The following EPHA5 variants were observed in gnomAD, a reference collection of about 807,000 sequenced individuals.
EPHA5 encodes the protein EPH receptor A5.
Under a neutral mutation model 105.0 loss-of-function variants are expected in EPHA5, and 60 were observed. The ratio of observed to expected loss-of-function variants is 0.57; its 90% CI spans 0.46 to 0.71. The LOEUF is 0.71. Among genes scored for constraint, EPHA5 ranks in the 30% least tolerant of loss-of-function variants. EPHA5 has a pLI of 0.00. For synonymous variants in EPHA5, 513 were observed against 449.1 expected, an observed-to-expected ratio of 1.14 and a Z score of -1.80; for missense variants, 1,218 against 1,274.7, an observed-to-expected ratio of 0.96 and a Z score of 0.68.
At chr4:65,522,332 AT>A in intron 3 of EPHA5, among the ~76,000 whole-genome samples, 1 of 150,124 alleles carries the variant, frequency 6.7e-6, no homozygotes, top group Non-Finnish European at 1.5e-5. Flanking sequence ...ATATATATAT[AT>A]AAAATCAACA....
chr4:65,536,747 T>C (rs938745624), intron 3 of EPHA5, among the ~76,000 whole-genome samples: 5 of 145,136 alleles, frequency 3.4e-5, no homozygotes, highest in African/African-American at 5.1e-5. Flanking sequence ...AAATCTAAAA[T>C]ATAAAAAAAA....
chr4:65,656,131 T>TA (rs34038643), intron 1 of EPHA5, among the ~76,000 whole-genome samples: 8,576 of 109,372 alleles, frequency 0.078, 373 homozygotes, highest in East Asian at 0.19. Flanking sequence ...TGCTGCTGCT[T>TA]AAAAAAAAAA....
chr4:65,580,498 T>G (rs1380504318), intron 3 of EPHA5, among the ~76,000 whole-genome samples: 1 of 151,864 alleles, frequency 6.6e-6, no homozygotes, highest in Non-Finnish European at 1.5e-5. Context: ...AAACCCATTT[T>G]GAAAAACATG....
intron 8 of EPHA5, among the ~76,000 whole-genome samples, chr4:65,373,928 T>C (rs1461351287): frequency 6.6e-6 from 1 of 151,886 alleles, no homozygotes; most frequent in Non-Finnish European, 1.5e-5. Context: ...ATGGCTACTT[T>C]GGGACTAAGG....
In EPHA5 at chr4:65,321,301, T is replaced by C. The variant is rs910878633; in HGVS notation, c.*2813A>G. 1 of 230,320 alleles carries C rather than the reference T, an allele frequency of 4.3e-6. No individual in the cohort carries two copies. Among genetic ancestry groups the C allele is most frequent in the Non-Finnish European group, 8.6e-6 (1 of 116,186 alleles). 14.3% of individuals were successfully genotyped at this position (230,320 alleles called of 1,614,324 possible). ...GTAGTCTGGTGGGTGACAAAATGAA[T>C]CAACAGAATAAGAAATTACACAATC... is the stretch of plus-strand genomic sequence containing the variant. On this transcript the variant is annotated 3_prime_UTR_variant, in exon 17 of 17. Transcript: ENST00000613740.
At chr4:65,533,670 C>T (rs1193366054) in intron 3 of EPHA5, among the ~76,000 whole-genome samples, 1 of 152,146 alleles carries the variant, frequency 6.6e-6, no homozygotes, top group Non-Finnish European at 1.5e-5. Flanking sequence ...CACAGTGGCT[C>T]ACGCCTGTAA....
chr4:65,542,875 T>A (rs1329375442), intron 3 of EPHA5, among the ~76,000 whole-genome samples: 1 of 151,918 alleles, frequency 6.6e-6, no homozygotes, highest in Non-Finnish European at 1.5e-5. Context: ...ATTATCACTA[T>A]GATCATGTTG....
chr4:65,549,382 C>T (rs891480181), intron 3 of EPHA5, among the ~76,000 whole-genome samples: 8 of 151,932 alleles, frequency 5.3e-5, no homozygotes, highest in African/African-American at 1.9e-4. Flanking sequence ...AATGGAAGGG[C>T]CTAGATGCAA....
chr4:65,462,146 C>A (rs765757202), intron 5 of EPHA5, among the ~76,000 whole-genome samples: 15 of 152,078 alleles, frequency 9.9e-5, no homozygotes, highest in Non-Finnish European at 1.5e-4. Flanking sequence ...GAATTATCAT[C>A]TTTTGAGCAC....
chr4:65,574,291 T>C (rs1298100470), intron 3 of EPHA5: 3 of 1,560,698 alleles, frequency 1.9e-6, no homozygotes, highest in African/African-American at 2.7e-5. Flanking sequence ...GTGTTTGCCC[T>C]GACGAATGGA....
At chr4:65,602,605 A>C (rs1356530304) in intron 2 of EPHA5, among the ~76,000 whole-genome samples, 1 of 152,196 alleles carries the variant, frequency 6.6e-6, no homozygotes, top group Non-Finnish European at 1.5e-5. Context: ...TCAGAGTAAA[A>C]GTAAAAGAAA....
At chr4:65,635,496 T>C (rs1459379249) in intron 2 of EPHA5, among the ~76,000 whole-genome samples, 1 of 152,136 alleles carries the variant, frequency 6.6e-6, no homozygotes, top group Non-Finnish European at 1.5e-5. Context: ...GTTTCCCCAT[T>C]GTGTGCTAGA....
chr4:65,586,895 C>G (rs972939476), intron 3 of EPHA5, among the ~76,000 whole-genome samples: 1 of 152,064 alleles, frequency 6.6e-6, no homozygotes, highest in Non-Finnish European at 1.5e-5. Flanking sequence ...TAAAACAGTT[C>G]TGTTCTACCC....
intron 5 of EPHA5, among the ~76,000 whole-genome samples, chr4:65,421,116 T>A (rs185682215): frequency 1.6e-4 from 25 of 152,218 alleles, no homozygotes; most frequent in Non-Finnish European, 3.2e-4. Context: ...AAACTTTTTT[T>A]ATTCTCGTTT....
chr4:65,659,408 G>A (rs1749365827), intron 1 of EPHA5, among the ~76,000 whole-genome samples: 1 of 149,298 alleles, frequency 6.7e-6, no homozygotes, highest in Non-Finnish European at 1.5e-5. Context: ...GAAAATATGT[G>A]GGAACAGTTC....
intron 3 of EPHA5, among the ~76,000 whole-genome samples, chr4:65,537,860 T>C (rs146402484): frequency 6.6e-6 from 1 of 151,756 alleles, no homozygotes; most frequent in East Asian, 1.9e-4. Flanking sequence ...TAATACACAT[T>C]TAGACACTGA....
intron 3 of EPHA5, among the ~76,000 whole-genome samples, chr4:65,514,704 A>G (rs1733934816): frequency 1.3e-5 from 2 of 152,090 alleles, no homozygotes; most frequent in Admixed American, 1.3e-4. Context: ...ATAACAGAAC[A>G]CTCCCATTTT....
chr4:65,499,553 G>C (rs1342682846), intron 3 of EPHA5, among the ~76,000 whole-genome samples: 3 of 151,464 alleles, frequency 2.0e-5, no homozygotes, highest in Non-Finnish European at 3.0e-5. Flanking sequence ...TTTTTGTTGA[G>C]ATTGCAGTTA....
At chr4:65,567,981 G>T (rs1393968438) in intron 3 of EPHA5, among the ~76,000 whole-genome samples, 13 of 150,952 alleles carry the variant, frequency 8.6e-5, no homozygotes, top group Non-Finnish European at 1.5e-4. Flanking sequence ...TACTCAAAAT[G>T]TTGGTGCAGA....
Sources: gnomAD v4.1 joint callset for allele counts (sites outside exome capture counted in the v4.1 genomes callset) on GRCh38, gnomAD v4.1.1 for gene constraint, MANE v1.5 for transcripts, NCBI Gene and HGNC (gene_info 2026-07-23, HGNC 2026-07-21) for gene names.